DIS3L2: variants seen among roughly 807,000 people sequenced by gnomAD.
DIS3L2 encodes DIS3-like exonuclease 2.
Under a neutral mutation model 97.5 loss-of-function variants are expected in DIS3L2, and 34 were observed. That is an observed-to-expected ratio of 0.35 (90% confidence interval 0.27 to 0.46). DIS3L2 has a LOEUF of 0.46. Among genes scored for constraint, DIS3L2 ranks in the 20% least tolerant of loss-of-function variants. The pLI, the probability that DIS3L2 is intolerant of heterozygous loss-of-function variation, is 1.00. For synonymous variants in DIS3L2, 435 were observed against 445.2 expected (o/e 0.98, Z 0.29); for missense variants, 1,038 against 1,146.0 (o/e 0.91, Z 1.36).
chr2:232,094,105 T>C (rs1696927129), intron 6 of DIS3L2, among the ~76,000 whole-genome samples: 1 of 152,176 alleles, frequency 6.6e-6, no homozygotes, highest in African/African-American at 2.4e-5. Context: ...GTTTTTTAAT[T>C]TTCATGTATT....
At chr2:232,329,168 C>T (rs1274524550) in intron 14 of DIS3L2, 1 of 152,466 alleles carries the variant, frequency 6.6e-6, no homozygotes, top group African/African-American at 2.4e-5. Flanking sequence ...CCTGCCCTGT[C>T]CTCTGGTGAG....
intron 6 of DIS3L2, among the ~76,000 whole-genome samples, chr2:232,127,621 A>G (rs1355048139): frequency 6.6e-6 from 1 of 152,110 alleles, no homozygotes; most frequent in African/African-American, 2.4e-5. Context: ...TTGCCGTTGT[A>G]CTTAAATTCT....
At position 232,087,683 on chromosome 2, in the gene DIS3L2, A is replaced by T. The variant is rs1553606133; in HGVS notation, c.563A>T (p.Asp188Val). Reference sequence around the variant, plus strand: ...GGCATCACACAAAATGTGCTGGTTGATGGTGTTAAGAAACTCTCAGTTTGT... The same window carrying T: ...GGCATCACACAAAATGTGCTGGTTGTTGGTGTTAAGAAACTCTCAGTTTGT... Reference protein sequence around the residue: ...GHGITQNVLVDGVKKLSVCVS... With the variant: ...GHGITQNVLVVGVKKLSVCVS... The change falls in exon 6 of 21, where the codon GAT becomes GTT. Residue 188 changes from aspartate to valine, a missense_variant. Transcript: ENST00000325385. 5.6e-6 allele frequency: 9 copies of T among 1,614,130 alleles called. No homozygotes were observed. The South Asian group carries it at 9.9e-5, about 18-fold the overall frequency.
At chr2:232,072,783 G>GGGGTGTGTGTGTGT (rs1401996898) in intron 5 of DIS3L2, among the ~76,000 whole-genome samples, 1 of 139,810 alleles carries the variant, frequency 7.2e-6, no homozygotes, top group African/African-American at 2.8e-5. Context: ...TGGGATGTGG[G>GGGGTGTGTGTGTGT]GTGTGTGTGT....
chr2:232,155,988 TAAA>T (rs58242528), intron 8 of DIS3L2, among the ~76,000 whole-genome samples: 1 of 137,280 alleles, frequency 7.3e-6, no homozygotes, highest in African/African-American at 2.7e-5. Context: ...AGACTCCATC[TAAA>T]AAAAAAAAAA....
At chr2:232,307,179 G>A (rs1695006902) in intron 14 of DIS3L2, among the ~76,000 whole-genome samples, 1 of 152,240 alleles carries the variant, frequency 6.6e-6, no homozygotes, top group Non-Finnish European at 1.5e-5. Context: ...CTGGCCTGAT[G>A]CTTTTGAGGT....
chr2:232,239,915 G>C lies in DIS3L2; in HGVS notation c.1317+1270G>C, dbSNP rs183029974. Among the ~76,000 whole-genome samples the C allele has an allele frequency of 1.0e-3, 155 of 152,346 alleles. 3 individuals are homozygous for C. Among genetic ancestry groups the C allele is most frequent in the Admixed American group, 9.0e-3 (138 of 15,306 alleles). On this transcript the variant is annotated intron_variant, in intron 11 of 20. Transcript: ENST00000325385. ...CTCAAAAGGGAAGAGACCAGTCTAG[G>C]CTTTGAGTGCAGCCATATCCTCTAG...
rs144385057 is a variant in DIS3L2, at chr2:231,993,466, G to A, written c.-93-21369G>A. Among the ~76,000 whole-genome samples the A allele has an allele frequency of 2.8e-3, 424 of 151,798 alleles. 1 individual carries two copies. Among genetic ancestry groups the A allele is most frequent in the Non-Finnish European group, 4.6e-3 (315 of 67,924 alleles). ...TGACCTGAGGTGATCCACCTGCCTC[G>A]GCCTCCCAAAGTGCTGGGATTACAA... On this transcript the variant is annotated intron_variant, in intron 1 of 20. Transcript: ENST00000325385.
chr2:232,020,016 A>C (rs1329953959), intron 3 of DIS3L2, among the ~76,000 whole-genome samples: 1 of 151,946 alleles, frequency 6.6e-6, no homozygotes, highest in East Asian at 1.9e-4. Context: ...AGAAGAACAT[A>C]GGTGGATAGC....
At chr2:232,193,893 G>C (rs571304334) in intron 9 of DIS3L2, among the ~76,000 whole-genome samples, 20 of 152,290 alleles carry the variant, frequency 1.3e-4, no homozygotes, top group African/African-American at 4.8e-4. Context: ...CGGATCACTT[G>C]AGACCAGGAG....
In DIS3L2 at chr2:232,252,048, T is replaced by G. The variant is rs550781125; in HGVS notation, c.1425+2702T>G. Among the ~76,000 whole-genome samples the G allele has an allele frequency of 4.6e-5, 7 of 152,358 alleles. No homozygotes were observed. The South Asian group carries it at 1.4e-3, about 32-fold the overall frequency. ...TAGATCAGGGCTGGCAGACTTTTCC[T>G]GTAAAGGGCCAGATAGTCAGTATCC... On this transcript the variant is annotated intron_variant, in intron 12 of 20. Coordinates refer to ENST00000325385, the MANE Select transcript of DIS3L2 (RefSeq NM_152383.5).
chr2:232,089,257 A>G (rs796696244), intron 6 of DIS3L2, among the ~76,000 whole-genome samples: 29 of 152,268 alleles, frequency 1.9e-4, no homozygotes, highest in African/African-American at 7.0e-4. Context: ...AGAGGCTACT[A>G]CTTCCTGTGT....
At chr2:232,173,103 G>A (rs543290459) in intron 9 of DIS3L2, among the ~76,000 whole-genome samples, 75 of 152,244 alleles carry the variant, frequency 4.9e-4, no homozygotes, top group African/African-American at 1.5e-3. Context: ...TTTCTTGATG[G>A]TGTTCTTAGA....
At chr2:232,124,530 T>G (rs980069725) in intron 6 of DIS3L2, among the ~76,000 whole-genome samples, 6 of 152,060 alleles carry the variant, frequency 3.9e-5, no homozygotes, top group Admixed American at 3.9e-4. Context: ...AGAAAAAAAT[T>G]ATTCAGAGTA....
chr2:232,062,026 T>G (rs1430103549), intron 5 of DIS3L2, among the ~76,000 whole-genome samples: 1 of 152,136 alleles, frequency 6.6e-6, no homozygotes, highest in Non-Finnish European at 1.5e-5. Context: ...TTTTTTAAAA[T>G]TAGGTCATTA....
chr2:232,285,557 G>T lies in DIS3L2; in HGVS notation c.1660-14483G>T, dbSNP rs550660324. On this transcript the variant is annotated intron_variant, in intron 13 of 20. Coordinates refer to ENST00000325385, the MANE Select transcript of DIS3L2 (RefSeq NM_152383.5). ...GAAAGGTAAATTGTTGCAACTTGCAGCCTCCAACACAGTGTCCCTGTTTGT... is the reference window on the plus strand; with the variant it reads ...GAAAGGTAAATTGTTGCAACTTGCATCCTCCAACACAGTGTCCCTGTTTGT... Among the ~76,000 whole-genome samples, 7 of 152,372 alleles carry T rather than the reference G, an allele frequency of 4.6e-5. No homozygotes were observed. The South Asian group carries it at 1.5e-3, about 32-fold the overall frequency.
intron 5 of DIS3L2, among the ~76,000 whole-genome samples, chr2:232,072,954 T>C (rs2106288924): frequency 6.6e-6 from 1 of 152,256 alleles, no homozygotes; most frequent in South Asian, 2.1e-4. Flanking sequence ...TCTTTGGCTG[T>C]TAACTAGATA....
intron 14 of DIS3L2, among the ~76,000 whole-genome samples, chr2:232,311,900 T>C (rs1173256025): frequency 2.0e-5 from 3 of 152,230 alleles, no homozygotes; most frequent in Non-Finnish European, 4.4e-5. Flanking sequence ...GGTGCACATA[T>C]GCATGTGTTG....
chr2:232,337,334 C>A, downstream of DIS3L2: 1 of 330,144 alleles, frequency 3.0e-6, no homozygotes, highest in Non-Finnish European at 4.3e-6. Context: ...CCCCTCCCCT[C>A]AGTTCCTCAA....
Sources: gnomAD v4.1 joint callset for allele counts (sites outside exome capture counted in the v4.1 genomes callset) on GRCh38, gnomAD v4.1.1 for gene constraint, MANE v1.5 for transcripts, NCBI Gene and HGNC (gene_info 2026-07-23, HGNC 2026-07-21) for gene names.